The following PRKG1 variants were observed in gnomAD, a reference collection of about 807,000 sequenced individuals.
PRKG1 encodes the protein cGMP-dependent protein kinase 1.
Under a neutral mutation model 88.1 loss-of-function variants are expected in PRKG1, and 35 were observed. The ratio of observed to expected loss-of-function variants is 0.40; its 90% CI spans 0.30 to 0.53. The LOEUF is 0.53. Among genes scored for constraint, PRKG1 ranks in the 20% least tolerant of loss-of-function variants. The pLI, the probability that PRKG1 is intolerant of heterozygous loss-of-function variation, is 0.59. For missense variants in PRKG1, 540 were observed against 839.8 expected, an observed-to-expected ratio of 0.64 and a Z score of 4.41; for synonymous variants, 303 against 292.5, an observed-to-expected ratio of 1.04 and a Z score of -0.37.
chr10:51,422,764 C>T (rs573481784), intron 2 of PRKG1, among the ~76,000 whole-genome samples: 31 of 152,064 alleles, frequency 2.0e-4, no homozygotes, highest in Non-Finnish European at 3.5e-4. Flanking sequence ...CAGCACTTCA[C>T]GGGCCACACT....
intron 5 of PRKG1, among the ~76,000 whole-genome samples, chr10:52,034,931 T>C (rs1040814932): frequency 4.6e-5 from 7 of 152,172 alleles, no homozygotes; most frequent in African/African-American, 1.4e-4. Context: ...GTAAAAGTAT[T>C]GTCCAGTCCT....
chr10:51,621,009 G>GTATATATATA (rs55657310), intron 3 of PRKG1, among the ~76,000 whole-genome samples: 72 of 121,894 alleles, frequency 5.9e-4, no homozygotes, highest in Middle Eastern at 9.3e-3. Context: ...GTATATGTGT[G>GTATATATATA]TATATATATA....
chr10:51,856,588 C>G (rs1840685197), intron 4 of PRKG1, among the ~76,000 whole-genome samples: 1 of 152,072 alleles, frequency 6.6e-6, no homozygotes, highest in Admixed American at 6.5e-5. Flanking sequence ...ATAAGAGAAC[C>G]CACTTCATAA....
intron 8 of PRKG1, among the ~76,000 whole-genome samples, chr10:52,143,496 A>ATC (rs1837641987): frequency 6.6e-6 from 1 of 152,160 alleles, no homozygotes; most frequent in Non-Finnish European, 1.5e-5. Context: ...GTTAGGAAGG[A>ATC]TATAGTCATT....
chr10:52,223,765 C>T (rs190903636), intron 9 of PRKG1, among the ~76,000 whole-genome samples: 129 of 152,246 alleles, frequency 8.5e-4, no homozygotes, highest in Non-Finnish European at 9.7e-4. Flanking sequence ...TTACAATTTT[C>T]CCTATTTTAC....
chr10:51,738,849 T>C (rs1234322973), intron 3 of PRKG1, among the ~76,000 whole-genome samples: 2 of 152,214 alleles, frequency 1.3e-5, no homozygotes, highest in Admixed American at 1.3e-4. Flanking sequence ...GTGAATGCTG[T>C]GAATTGTAAA....
At chr10:51,457,353 ACTT>A (rs1839613252) in intron 2 of PRKG1, among the ~76,000 whole-genome samples, 1 of 152,198 alleles carries the variant, frequency 6.6e-6, no homozygotes, top group Non-Finnish European at 1.5e-5. Context: ...GTATGTTCTC[ACTT>A]ATAAGTGGGA....
chr10:52,251,827 T>C (rs1156700841), intron 10 of PRKG1, 161 bp downstream of exon 10: 1 of 605,802 alleles, frequency 1.7e-6, no homozygotes, highest in Non-Finnish European at 2.8e-6. Context: ...ATGTCATAAT[T>C]AGACACAAAG....
At chr10:51,455,145 G>A (rs1465688859) in intron 2 of PRKG1, among the ~76,000 whole-genome samples, 1 of 152,226 alleles carries the variant, frequency 6.6e-6, no homozygotes, top group Non-Finnish European at 1.5e-5. Flanking sequence ...CTTGGGGCTT[G>A]CACCCTCTGA....
At chr10:51,632,254 G>A (rs1839546007) in intron 3 of PRKG1, among the ~76,000 whole-genome samples, 1 of 152,258 alleles carries the variant, frequency 6.6e-6, no homozygotes, top group African/African-American at 2.4e-5. Flanking sequence ...TAAAGAAAGA[G>A]TTTGTTATAA....
chr10:51,161,316 G>A lies in PRKG1; in HGVS notation c.478+7986G>A, dbSNP rs141754860. Among the ~76,000 whole-genome samples the A allele has an allele frequency of 2.4e-3, 359 of 152,084 alleles. 2 individuals are homozygous for A. Among genetic ancestry groups the A allele is most frequent in the Non-Finnish European group, 3.9e-3 (262 of 67,988 alleles). ...GTATTTGTTGTACAAGTTAAGAATT[G>A]ACCAGGTGTTTTACTCTAAAACATC... On this transcript the variant is annotated intron_variant, in intron 2 of 17. Transcript: ENST00000373980.
At chr10:51,674,179 T>A (rs1168351187) in intron 3 of PRKG1, among the ~76,000 whole-genome samples, 1 of 152,192 alleles carries the variant, frequency 6.6e-6, no homozygotes, top group Non-Finnish European at 1.5e-5. Context: ...GTTTTTGTTT[T>A]TTTATTATAC....
At chr10:51,693,878 TAAA>T (rs977991988) in intron 3 of PRKG1, among the ~76,000 whole-genome samples, 1 of 152,110 alleles carries the variant, frequency 6.6e-6, no homozygotes, top group Non-Finnish European at 1.5e-5. Context: ...TCAGGGTGCA[TAAA>T]AACAAACGAA....
chr10:52,181,419 C>CTTTTTTTTTTTT (rs761799361), intron 9 of PRKG1, among the ~76,000 whole-genome samples: 44 of 54,986 alleles, frequency 8.0e-4, no homozygotes, highest in Middle Eastern at 0.022. Context: ...CACAGCTCTT[C>CTTTTTTTTTTTT]TTTTTTTTTT....
At chr10:51,369,940 T>C (rs1842666703) in intron 2 of PRKG1, among the ~76,000 whole-genome samples, 1 of 152,150 alleles carries the variant, frequency 6.6e-6, no homozygotes, top group African/African-American at 2.4e-5. Context: ...CAATCAAATA[T>C]GAGTTTATTG....
At chr10:51,224,421 G>C (rs1024462681) in intron 2 of PRKG1, among the ~76,000 whole-genome samples, 1 of 152,158 alleles carries the variant, frequency 6.6e-6, no homozygotes, top group Non-Finnish European at 1.5e-5. Flanking sequence ...TCATTGTCTA[G>C]CAATGAATAT....
intron 3 of PRKG1, among the ~76,000 whole-genome samples, chr10:51,741,479 CA>C (rs1305976363): frequency 6.6e-6 from 1 of 151,962 alleles, no homozygotes; most frequent in Non-Finnish European, 1.5e-5. Context: ...TAAATTAATT[CA>C]AAAATTATTT....
chr10:52,161,676 T>C (rs903091916), intron 8 of PRKG1, among the ~76,000 whole-genome samples: 1 of 152,126 alleles, frequency 6.6e-6, no homozygotes, highest in African/African-American at 2.4e-5. Context: ...GGCAACTCTA[T>C]TGGCAAATAA....
At chr10:52,133,712 C>T in intron 7 of PRKG1, 128 bp from the exon 8 acceptor site, 1 of 712,482 alleles carries the variant, frequency 1.4e-6, no homozygotes, top group Non-Finnish European at 2.2e-6. Flanking sequence ...ATAAACAAAG[C>T]TTAAGCCTGG....
Sources: allele counts gnomAD v4.1 joint callset (sites outside exome capture counted in the v4.1 genomes callset), GRCh38; gene constraint gnomAD v4.1.1; transcripts MANE v1.5; gene names NCBI Gene and HGNC (gene_info 2026-07-23, HGNC 2026-07-21).